The following DLG2 variants were observed in gnomAD, a reference collection of about 807,000 sequenced individuals.
The protein encoded by DLG2 is discs large MAGUK scaffold protein 2, also known as disks large homolog 2.
A neutral mutation model predicts 132.5 loss-of-function variants in DLG2; 45 were observed. The observed-to-expected ratio is 0.34, with a 90% CI of 0.27 to 0.44. The LOEUF is 0.44. Ranked by LOEUF, DLG2 falls within the 20% of genes least tolerant of loss-of-function variation. The probability of loss-of-function intolerance (pLI) is 1.00; values close to 1 mark genes in which losing one functional copy is unlikely to be tolerated. For missense variants in DLG2, 1,045 were observed against 1,196.9 expected, an observed-to-expected ratio of 0.87 and a Z score of 1.87; for synonymous variants, 424 against 419.6, an observed-to-expected ratio of 1.01 and a Z score of -0.13.
chr11:83,777,925 A>C (rs776602522), intron 18 of DLG2, among the ~76,000 whole-genome samples: 3 of 152,194 alleles, frequency 2.0e-5, no homozygotes, highest in Non-Finnish European at 4.4e-5. Context: ...AATCTCTTGA[A>C]CCACCTTAAT....
rs139383928 is a variant in DLG2 at position 84,642,117 on chromosome 11, A to AGTGTGTGTGT, written c.358-107396_358-107387dup. Reference sequence around the variant, plus strand: ...AGTGTGTGTGTGTGTGTATATGTAGAGTGTGTGTGTGTGTGTGTGTGTGTG... The same window carrying AGTGTGTGTGT: ...AGTGTGTGTGTGTGTGTATATGTAGAGTGTGTGTGTGTGTGTGTGTGTGTGTGTGTGTGTG... On this transcript the variant is annotated intron_variant, in intron 6 of 27. Coordinates refer to ENST00000376104, the MANE Select transcript of DLG2 (RefSeq NM_001142699.3). 9.4e-4 allele frequency among the ~76,000 whole-genome samples: 131 copies of AGTGTGTGTGT among 138,822 alleles called. 2 individuals are homozygous for AGTGTGTGTGT. Among genetic ancestry groups the AGTGTGTGTGT allele is most frequent in the African/African-American group, 2.4e-3 (90 of 37,438 alleles). 91.1% of individuals were successfully genotyped at this position (138,822 alleles called of 152,430 possible).
At chr11:83,893,880 A>T (rs2070746888) in intron 15 of DLG2, among the ~76,000 whole-genome samples, 1 of 152,186 alleles carries the variant, frequency 6.6e-6, no homozygotes, top group South Asian at 2.1e-4. Flanking sequence ...TGTTGACTTC[A>T]TTTAACAGGA....
chr11:84,862,066 T>G (rs2083789398), intron 6 of DLG2, among the ~76,000 whole-genome samples: 1 of 149,858 alleles, frequency 6.7e-6, no homozygotes, highest in African/African-American at 2.4e-5. Flanking sequence ...GGGATAGCAC[T>G]GGGAGATATA....
chr11:84,274,864 C>A (rs1260145830), intron 7 of DLG2, among the ~76,000 whole-genome samples: 1 of 152,094 alleles, frequency 6.6e-6, no homozygotes, highest in Non-Finnish European at 1.5e-5. Context: ...GTGTTCTGTT[C>A]AGCTCACACC....
chr11:84,495,702 T>C (rs1029535324), intron 7 of DLG2, among the ~76,000 whole-genome samples: 4 of 152,174 alleles, frequency 2.6e-5, no homozygotes, highest in African/African-American at 9.6e-5. Flanking sequence ...TATCCCTGCA[T>C]TAACACTAAC....
At chr11:83,869,304 T>A (rs908236324) in intron 16 of DLG2, among the ~76,000 whole-genome samples, 2 of 150,940 alleles carry the variant, frequency 1.3e-5, no homozygotes, top group Non-Finnish European at 3.0e-5. Flanking sequence ...ACATTAGCTT[T>A]AAAAAAAAAG....
intron 21 of DLG2, among the ~76,000 whole-genome samples, chr11:83,497,182 C>T (rs1189440728): frequency 6.6e-6 from 1 of 152,038 alleles, no homozygotes; most frequent in Non-Finnish European, 1.5e-5. Context: ...GTGGGCAAAG[C>T]AAAACAAAAC....
chr11:83,617,013 T>C (rs1297508743), intron 19 of DLG2, among the ~76,000 whole-genome samples: 1 of 152,194 alleles, frequency 6.6e-6, no homozygotes, highest in Non-Finnish European at 1.5e-5. Context: ...TGTCTACACT[T>C]ATACCAATTT....
intron 3 of DLG2, among the ~76,000 whole-genome samples, chr11:85,516,311 G>T (rs2094167428): frequency 6.6e-6 from 1 of 151,984 alleles, no homozygotes; most frequent in South Asian, 2.1e-4. Context: ...TAAGAGGGAA[G>T]TTTTGAGCAA....
intron 3 of DLG2, among the ~76,000 whole-genome samples, chr11:85,521,463 C>T (rs747279853): frequency 1.6e-4 from 25 of 152,122 alleles, no homozygotes; most frequent in Admixed American, 5.2e-4. Context: ...CAGTCCCAGG[C>T]GGTTCTTTAT....
At chr11:83,819,751 A>G (rs1249961527) in intron 17 of DLG2, among the ~76,000 whole-genome samples, 1 of 152,096 alleles carries the variant, frequency 6.6e-6, no homozygotes, top group African/African-American at 2.4e-5. Flanking sequence ...AAATCAAATT[A>G]TAAGGAAGAT....
chr11:85,140,562 T>A (rs992079917), intron 5 of DLG2, among the ~76,000 whole-genome samples: 2 of 140,080 alleles, frequency 1.4e-5, no homozygotes, highest in African/African-American at 5.0e-5. Context: ...CAGGAACTTA[T>A]TTTTTTTTTT....
At chr11:84,381,280 G>T (rs1269264657) in intron 7 of DLG2, among the ~76,000 whole-genome samples, 1 of 151,994 alleles carries the variant, frequency 6.6e-6, no homozygotes, top group Non-Finnish European at 1.5e-5. Flanking sequence ...TAGTTTTACA[G>T]ACAAGTTCTT....
rs546271259 is a variant in DLG2 at position 84,765,190 on chromosome 11, C to T, written c.358-230459G>A. On this transcript the variant is annotated intron_variant, in intron 6 of 27. Transcript: ENST00000376104. ...CTAGGTTTTTGGATCCTCCATAATG[C>T]CTAGAACAGACTGTACTTTCTACTT... is the stretch of plus-strand genomic sequence containing the variant. 8.9e-4 allele frequency among the ~76,000 whole-genome samples: 135 copies of T among 152,126 alleles called. 4 individuals are homozygous for T. The South Asian group carries it at 0.027, about 30-fold the overall frequency.
At chr11:85,389,972 C>A (rs1165991387) in intron 3 of DLG2, among the ~76,000 whole-genome samples, 4 of 152,004 alleles carry the variant, frequency 2.6e-5, no homozygotes, top group African/African-American at 9.7e-5. Context: ...ACTCAGGCAA[C>A]AAACAGTATG....
Position 83,906,073 on chromosome 11 carries a change from CTCTCTCTCTA to C in DLG2, c.1496+24245_1496+24254del, listed in dbSNP as rs1168434828. Among the ~76,000 whole-genome samples the C allele has an allele frequency of 6.8e-5, 7 of 103,336 alleles. No individual in the cohort carries two copies. The South Asian group carries it at 1.5e-3, about 23-fold the overall frequency. 67.8% of individuals were successfully genotyped at this position (103,336 alleles called of 152,430 possible). On this transcript the variant is annotated intron_variant, in intron 15 of 27. Transcript: ENST00000376104. ...TGTCTGTCTCTCTCTCTCTCTCTCT[CTCTCTCTCTA>C]TATATATATATATATATATATACAT...
At chr11:84,935,724 T>C (rs757633968) in intron 6 of DLG2, among the ~76,000 whole-genome samples, 6 of 152,326 alleles carry the variant, frequency 3.9e-5, no homozygotes, top group East Asian at 3.9e-4. Flanking sequence ...GAGCATATCA[T>C]GACAAAGAAT....
At chr11:84,453,479 A>T (rs2099057158) in intron 7 of DLG2, among the ~76,000 whole-genome samples, 1 of 151,592 alleles carries the variant, frequency 6.6e-6, no homozygotes, top group African/African-American at 2.4e-5. Context: ...AGATGATAGG[A>T]TCAATAATTA....
Position 85,312,241 on chromosome 11 carries a change from A to G in DLG2, c.41-26876T>C, listed in dbSNP as rs368069538. ...GTATGAATGCATATATTTATGAACC[A>G]ATAATGGATAATACCTTATTTTGTT... On this transcript the variant is annotated intron_variant, in intron 3 of 27. Transcript: ENST00000376104. Among the ~76,000 whole-genome samples, 12 of 152,014 alleles carry G rather than the reference A, an allele frequency of 7.9e-5. No individual in the cohort carries two copies. The South Asian group carries it at 1.4e-3, about 18-fold the overall frequency.
Sources: gnomAD v4.1 joint callset for allele counts (sites outside exome capture counted in the v4.1 genomes callset) on GRCh38, gnomAD v4.1.1 for gene constraint, MANE v1.5 for transcripts, NCBI Gene and HGNC (gene_info 2026-07-23, HGNC 2026-07-21) for gene names.